The following UGT8 variants were observed in gnomAD, a reference collection of about 807,000 sequenced individuals.
UGT8 encodes UDP glycosyltransferase 8, also known as 2-hydroxyacylsphingosine 1-beta-galactosyltransferase.
In UGT8, 12 loss-of-function variants were observed where a neutral mutation model predicts 40.5. The observed-to-expected ratio is 0.30, with a 90% CI of 0.19 to 0.48. The LOEUF (loss-of-function observed/expected upper bound fraction) is 0.48, where lower values mean the gene tolerates loss of function less well. Ranked by LOEUF, UGT8 falls within the 20% of genes least tolerant of loss-of-function variation. The pLI is 0.99. For missense variants in UGT8, 513 were observed against 648.7 expected (o/e 0.79, Z 2.27); for synonymous variants, 224 against 240.4 (o/e 0.93, Z 0.63).
Position 114,621,831 on chromosome 4 carries a change from T to C in UGT8, c.-2-1048T>C, listed in dbSNP as rs141864505. ...TATTTCAGTTTATGTCAACTTTGCTTTCAATTCTATACTTAAACATAATTG... is the reference window on the plus strand; with the variant it reads ...TATTTCAGTTTATGTCAACTTTGCTCTCAATTCTATACTTAAACATAATTG... On this transcript the variant is annotated intron_variant, in intron 1 of 5. Coordinates refer to ENST00000310836, the MANE Select transcript of UGT8 (RefSeq NM_001128174.3). Among the ~76,000 whole-genome samples, 119 of 152,310 alleles carry C rather than the reference T, an allele frequency of 7.8e-4. 2 individuals carry two copies. The East Asian group carries it at 0.02, about 26-fold the overall frequency.
intron 4 of UGT8, among the ~76,000 whole-genome samples, chr4:114,666,158 T>A (rs1734864952): frequency 6.6e-6 from 1 of 152,076 alleles, no homozygotes; most frequent in East Asian, 1.9e-4. Context: ...TTACAGATGG[T>A]CTGAGAACCA....
intron 2 of UGT8, among the ~76,000 whole-genome samples, chr4:114,653,403 T>C (rs1008041880): frequency 3.3e-5 from 5 of 152,052 alleles, no homozygotes; most frequent in Non-Finnish European, 7.4e-5. Flanking sequence ...CCTGGAAGGA[T>C]CTATTTGAGT....
Position 114,678,021 on chromosome 4 carries a change from A to C in UGT8, c.*1733A>C, listed in dbSNP as rs1277039140. Reference sequence around the variant, plus strand: ...AACTTATTAGTTATACCTTTTCACAATCTTATTACGATGTTGCCGTTAAAA... The same window carrying C: ...AACTTATTAGTTATACCTTTTCACACTCTTATTACGATGTTGCCGTTAAAA... On this transcript the variant is annotated 3_prime_UTR_variant, in exon 6 of 6. Transcript: ENST00000310836. 1 of 152,220 alleles carries C rather than the reference A, an allele frequency of 6.6e-6. No individual in the cohort carries two copies. 9.4% of individuals were successfully genotyped at this position (152,220 alleles called of 1,614,324 possible).
At chr4:114,606,367 ACTAGG>A (rs1730731247) in intron 1 of UGT8, among the ~76,000 whole-genome samples, 3 of 152,128 alleles carry the variant, frequency 2.0e-5, no homozygotes, top group Admixed American at 1.3e-4. Context: ...TAGGCCTAAG[ACTAGG>A]CAGTTAGTCT....
chr4:114,670,866 A>C (rs923052764), intron 5 of UGT8, among the ~76,000 whole-genome samples: 2 of 152,208 alleles, frequency 1.3e-5, no homozygotes, highest in Non-Finnish European at 2.9e-5. Flanking sequence ...GAAGAGAGGA[A>C]GTCAAATTGT....
chr4:114,623,285 G>A lies in UGT8; in HGVS notation c.405G>A (p.Leu135=). The A allele has an allele frequency of 5.6e-6, 9 of 1,614,194 alleles. No individual in the cohort carries two copies. The highest frequency in any genetic ancestry group is 7.6e-6 in the Non-Finnish European group (9 of 1,180,040). Residue 135 remains leucine, a synonymous_variant, in exon 2 of 6, where the codon CTG becomes CTA. Transcript: ENST00000310836. The stretch of plus-strand genomic sequence containing the variant: ...TGAAGAAAGAAAAATTTGACCTGCT[G>A]CTGGTGGACCCTAATGATATGTGTG... ...QGLKKEKFDL[L]LVDPNDMCGF...
At chr4:114,614,913 T>G (rs1356145806) in intron 1 of UGT8, among the ~76,000 whole-genome samples, 1 of 151,744 alleles carries the variant, frequency 6.6e-6, no homozygotes, top group Non-Finnish European at 1.5e-5. Flanking sequence ...TCTGAATTCT[T>G]TCTTCTCCTA....
chr4:114,638,755 GT>G (rs1733037224), intron 2 of UGT8, among the ~76,000 whole-genome samples: 1 of 152,132 alleles, frequency 6.6e-6, no homozygotes, highest in Non-Finnish European at 1.5e-5. Context: ...ACTTGTTTGG[GT>G]TATGAATTCT....
At chr4:114,660,486 AT>A (rs1427696227) in intron 2 of UGT8, among the ~76,000 whole-genome samples, 2 of 152,084 alleles carry the variant, frequency 1.3e-5, no homozygotes, top group Admixed American at 6.5e-5. Context: ...TTGTGGTTTT[AT>A]TCCCCCTATT....
Position 114,676,327 on chromosome 4 carries a change from A to G in UGT8, c.*39A>G, listed in dbSNP as rs750170015. On this transcript the variant is annotated 3_prime_UTR_variant, in exon 6 of 6. Coordinates refer to ENST00000310836, the MANE Select transcript of UGT8 (RefSeq NM_001128174.3). ...GTGATAGAAATAAATTGGTTCACTC[A>G]TTGAATTTTTATTGCTATTATTTAG... 1.3e-6 allele frequency: 2 copies of G among 1,499,854 alleles called. No homozygotes were observed. Among genetic ancestry groups the G allele is most frequent in the Admixed American group, 4.4e-5 (2 of 45,368 alleles). The allele number at this position is 1,499,854 out of a possible 1,614,324, so 92.9% of individuals were successfully genotyped here.
Position 114,648,433 on chromosome 4 carries a change from G to A in UGT8, c.823-15562G>A, listed in dbSNP as rs115316614. Among the ~76,000 whole-genome samples the A allele has an allele frequency of 7.0e-3, 1,039 of 148,208 alleles. 15 individuals carry two copies. The highest frequency in any genetic ancestry group is 0.024 in the African/African-American group (958 of 40,274). Reference sequence around the variant, plus strand: ...AGGATACTTAATGAATGGTATTTAGGCTGTATTGTAATAGTTTTGGGAAAG... The same window carrying A: ...AGGATACTTAATGAATGGTATTTAGACTGTATTGTAATAGTTTTGGGAAAG... On this transcript the variant is annotated intron_variant, in intron 2 of 5. Transcript: ENST00000310836.
At chr4:114,628,969 G>A (rs1445879169) in intron 2 of UGT8, among the ~76,000 whole-genome samples, 1 of 151,362 alleles carries the variant, frequency 6.6e-6, no homozygotes, top group Non-Finnish European at 1.5e-5. Flanking sequence ...TTCCATACTT[G>A]GTATTCCTGA....
chr4:114,673,393 C>A (rs1470609887), intron 5 of UGT8, among the ~76,000 whole-genome samples: 1 of 152,136 alleles, frequency 6.6e-6, no homozygotes, highest in Admixed American at 6.5e-5. Context: ...AAAATGAAAT[C>A]GGTTAGTTAG....
chr4:114,614,328 A>G (rs1295924142), intron 1 of UGT8, among the ~76,000 whole-genome samples: 1 of 152,204 alleles, frequency 6.6e-6, no homozygotes, highest in Non-Finnish European at 1.5e-5. Flanking sequence ...TTTGAGTGGT[A>G]TTCCTAATGG....
intron 2 of UGT8, among the ~76,000 whole-genome samples, chr4:114,626,079 G>A (rs926994361): frequency 2.0e-5 from 3 of 151,992 alleles, no homozygotes; most frequent in Non-Finnish European, 2.9e-5. Context: ...CATTGTGAAG[G>A]GCTGTTTTCA....
In UGT8 at chr4:114,607,894, C is replaced by T. The variant is rs191961784; in HGVS notation, c.-3+8920C>T. Among the ~76,000 whole-genome samples, 3 of 152,246 alleles carry T rather than the reference C, an allele frequency of 2.0e-5. No individual in the cohort carries two copies. The East Asian group carries it at 5.8e-4, about 29-fold the overall frequency. On this transcript the variant is annotated intron_variant, in intron 1 of 5. Coordinates refer to ENST00000310836, the MANE Select transcript of UGT8 (RefSeq NM_001128174.3). Reference sequence around the variant, plus strand: ...ACTAAATGACTCATTTTCACCATTACCTGGGCCTTCCATCACCTCCTACTG... The same window carrying T: ...ACTAAATGACTCATTTTCACCATTATCTGGGCCTTCCATCACCTCCTACTG...
chr4:114,598,693 G>A (rs1730240219), upstream of UGT8: 1 of 150,500 alleles, frequency 6.6e-6, no homozygotes, highest in Admixed American at 6.6e-5. Context: ...CACGCAGGGC[G>A]GGGCGCGGCT....
chr4:114,631,712 A>G (rs1432602983), intron 2 of UGT8, among the ~76,000 whole-genome samples: 2 of 152,248 alleles, frequency 1.3e-5, no homozygotes, highest in African/African-American at 2.4e-5. Flanking sequence ...TTTGAGAACC[A>G]TTAATTTAAA....
chr4:114,668,144 A>G lies in UGT8; in HGVS notation c.1102A>G (p.Ile368Val), dbSNP rs759111551. The stretch of plus-strand genomic sequence containing the variant: ...TGGTTTGAACAGTATTTTTGAAACT[A>G]TATATCATGGTGTGCCTGTAGTGGG... ...HGGLNSIFET[I>V]YHGVPVVGIP... The change falls in exon 5 of 6, where the codon ATA becomes GTA. Residue 368 changes from isoleucine to valine, a missense_variant. Physicochemically the swap from Ile to Val is conservative, Grantham distance 29. Transcript: ENST00000310836. 7 of 1,613,690 alleles carry G rather than the reference A, an allele frequency of 4.3e-6. No individual in the cohort carries two copies. In the East Asian group the frequency reaches 1.3e-4, roughly 31 times the overall value.
Sources: gnomAD v4.1 joint callset for allele counts (sites outside exome capture counted in the v4.1 genomes callset) on GRCh38, gnomAD v4.1.1 for gene constraint, MANE v1.5 for transcripts, NCBI Gene and HGNC (gene_info 2026-07-23, HGNC 2026-07-21) for gene names.